Variants in LAMA4 observed in about 807,000 individuals in gnomAD.
LAMA4 encodes laminin subunit alpha 4.
A neutral mutation model predicts 207.1 loss-of-function variants in LAMA4; 127 were observed. The observed-to-expected ratio is 0.61, with a 90% CI of 0.53 to 0.71. The LOEUF (loss-of-function observed/expected upper bound fraction) is 0.71, where lower values mean the gene tolerates loss of function less well. Among genes scored for constraint, LAMA4 ranks in the 30% least tolerant of loss-of-function variants. LAMA4 has a pLI of 0.00. For synonymous variants in LAMA4, 761 were observed against 816.0 expected (o/e 0.93, Z 1.15); for missense variants, 2,093 against 2,246.5 (o/e 0.93, Z 1.38).
At chr6:112,205,608 T>C (rs782380045) in intron 4 of LAMA4, among the ~76,000 whole-genome samples, 9 of 152,198 alleles carry the variant, frequency 5.9e-5, no homozygotes, top group Non-Finnish European at 1.2e-4. Context: ...CACAGACTCC[T>C]GTAATTCTTG....
At chr6:112,232,659 G>C (rs1467911709) in intron 2 of LAMA4, among the ~76,000 whole-genome samples, 11 of 152,216 alleles carry the variant, frequency 7.2e-5, no homozygotes, top group African/African-American at 2.2e-4. Flanking sequence ...TAGCTATTCT[G>C]TTACAGCACG....
chr6:112,177,098 T>C (rs1294699539), intron 10 of LAMA4, among the ~76,000 whole-genome samples: 2 of 152,164 alleles, frequency 1.3e-5, no homozygotes, highest in African/African-American at 2.4e-5. Flanking sequence ...AACAAATCAA[T>C]AGTAACTCTA....
At chr6:112,165,418 T>C in intron 12 of LAMA4, 142 bp from the exon 13 acceptor site, 1 of 714,170 alleles carries the variant, frequency 1.4e-6, no homozygotes, top group Non-Finnish European at 2.6e-6. Flanking sequence ...CTGTGTGCCT[T>C]TGGGGAATGC....
At chr6:112,206,029 C>T (rs1345660635) in intron 4 of LAMA4, among the ~76,000 whole-genome samples, 5 of 152,220 alleles carry the variant, frequency 3.3e-5, no homozygotes, top group Admixed American at 3.3e-4. Context: ...TTCTCCATAT[C>T]CTGCTCTATG....
chr6:112,227,518 G>A (rs1050784636), intron 2 of LAMA4, among the ~76,000 whole-genome samples: 9 of 152,178 alleles, frequency 5.9e-5, no homozygotes, highest in African/African-American at 2.2e-4. Context: ...GGATTTCCAT[G>A]TCTATACCCG....
intron 13 of LAMA4, chr6:112,162,331 GCA>G (rs1781102641): frequency 6.6e-6 from 1 of 152,102 alleles, no homozygotes; most frequent in Non-Finnish European, 1.5e-5. Flanking sequence ...AATTAGCCGG[GCA>G]TGGTGGTGGA....
chr6:112,139,079 G>T, intron 24 of LAMA4, 41 bp downstream of exon 24: 1 of 1,587,154 alleles, frequency 6.3e-7, no homozygotes, highest in Non-Finnish European at 8.7e-7. Flanking sequence ...AGAAAGTAAA[G>T]GAAATAAAGG....
chr6:112,197,971 AC>A (rs1226711168), intron 5 of LAMA4, among the ~76,000 whole-genome samples: 3 of 152,220 alleles, frequency 2.0e-5, no homozygotes, highest in African/African-American at 7.2e-5. Flanking sequence ...TTAAAATTAA[AC>A]ATAAAATTAG....
intron 5 of LAMA4, among the ~76,000 whole-genome samples, chr6:112,196,080 A>G (rs1783402700): frequency 1.3e-5 from 2 of 152,116 alleles, no homozygotes; most frequent in South Asian, 4.1e-4. Flanking sequence ...TATGGGATAC[A>G]GAGTGATATT....
intron 20 of LAMA4, among the ~76,000 whole-genome samples, chr6:112,141,797 G>A (rs76550772): frequency 3.3e-5 from 5 of 152,176 alleles, no homozygotes; most frequent in Non-Finnish European, 5.9e-5. Flanking sequence ...TGACAGTACC[G>A]ATCACTATGC....
chr6:112,149,681 A>G (rs2114747329), intron 17 of LAMA4, among the ~76,000 whole-genome samples: 1 of 152,278 alleles, frequency 6.6e-6, no homozygotes, highest in South Asian at 2.1e-4. Context: ...CTATTTCTTC[A>G]TAGCAGCGTG....
At chr6:112,222,155 A>C (rs1271009853) in intron 2 of LAMA4, among the ~76,000 whole-genome samples, 1 of 152,200 alleles carries the variant, frequency 6.6e-6, no homozygotes, top group African/African-American at 2.4e-5. Flanking sequence ...TTTTACTTGA[A>C]TCTGAAGACA....
chr6:112,144,466 T>C (rs1779894967), intron 19 of LAMA4, among the ~76,000 whole-genome samples: 2 of 152,250 alleles, frequency 1.3e-5, no homozygotes, highest in Non-Finnish European at 2.9e-5. Flanking sequence ...GAGGCTTTAC[T>C]TCTTTTGCTA....
Position 112,148,282 on chromosome 6 carries a change from C to T in LAMA4, c.2228G>A (p.Arg743Lys). ...QSRLITEEAN[R>K]TTMEVQQATA... ...GGCCTGCTGCACCTCCATCGTCGTC[C>T]TGTTGGCTTCCTCGGTGATCAGTCT... Residue 743 changes from arginine to lysine, a missense_variant, in exon 18 of 39, where the codon AGG (arginine) becomes AAG (lysine). Arg to Lys is a conservative substitution (Grantham distance 26). This residue lies in a region of LAMA4 where 1,704 missense variants were observed against 1,788.4 expected (regional missense o/e 0.95). Transcript: ENST00000230538. 1.2e-6 allele frequency: 2 copies of T among 1,614,166 alleles called. No individual in the cohort carries two copies. The highest frequency in any genetic ancestry group is 1.1e-5 in the South Asian group (1 of 91,084).
Position 112,148,279 on chromosome 6 carries a change from G to A in LAMA4, c.2231C>T (p.Thr744Met), listed in dbSNP as rs782380775. 40 of 1,614,150 alleles carry A rather than the reference G, an allele frequency of 2.5e-5. No homozygotes were observed. Among genetic ancestry groups the A allele is most frequent in the Admixed American group, 6.7e-5 (4 of 60,018 alleles). The change falls in exon 18 of 39, where the codon ACG (threonine) becomes ATG (methionine). Residue 744 changes from threonine (T) to methionine (M), a missense_variant. By Grantham distance (81) the Thr-to-Met change is moderately conservative. Transcript: ENST00000230538. The stretch of plus-strand genomic sequence containing the variant: ...AGTGGCCTGCTGCACCTCCATCGTC[G>A]TCCTGTTGGCTTCCTCGGTGATCAG... Reference protein sequence around the residue: ...SRLITEEANRTTMEVQQATAP... With the variant: ...SRLITEEANRMTMEVQQATAP...
At chr6:112,123,963 C>T (rs1024715880) in intron 31 of LAMA4, among the ~76,000 whole-genome samples, 8 of 152,160 alleles carry the variant, frequency 5.3e-5, no homozygotes, top group East Asian at 3.8e-4. Flanking sequence ...AGCTTCAAGC[C>T]GTAGGTGGGC....
intron 2 of LAMA4, among the ~76,000 whole-genome samples, chr6:112,223,728 C>A (rs1028606605): frequency 1.7e-4 from 26 of 152,282 alleles, no homozygotes; most frequent in African/African-American, 6.3e-4. Context: ...TCTCAAGATG[C>A]AAGGCACAAA....
chr6:112,114,023 G>A (rs1777859894), intron 38 of LAMA4, 53 bp downstream of exon 38: 2 of 1,601,266 alleles, frequency 1.2e-6, no homozygotes, highest in African/African-American at 2.7e-5. Flanking sequence ...AATAACAATT[G>A]TGAGAACTCA....
chr6:112,191,993 T>A, intron 5 of LAMA4, 143 bp from the exon 6 acceptor site: 1 of 761,382 alleles, frequency 1.3e-6, no homozygotes, highest in Non-Finnish European at 2.2e-6. Context: ...ATCTTCTTCA[T>A]AGGACCAGAT....
Sources: allele counts gnomAD v4.1 joint callset (sites outside exome capture counted in the v4.1 genomes callset), GRCh38; gene constraint gnomAD v4.1.1; regional missense constraint gnomAD v4.1.1; transcripts MANE v1.5; gene names NCBI Gene and HGNC (gene_info 2026-07-23, HGNC 2026-07-21).